Variants in MAST2 observed in about 807,000 individuals in gnomAD.
MAST2 encodes the protein microtubule-associated serine/threonine-protein kinase 2.
A neutral mutation model predicts 147.4 loss-of-function variants in MAST2; 70 were observed. The ratio of observed to expected loss-of-function variants is 0.47; its 90% confidence interval spans 0.39 to 0.58. The LOEUF is 0.58. Among genes scored for constraint, MAST2 ranks in the 20% least tolerant of loss-of-function variants. MAST2 has a pLI of 0.00. For synonymous variants in MAST2, 869 were observed against 896.8 expected (o/e 0.97, Z 0.55); for missense variants, 2,080 against 2,302.3 (o/e 0.90, Z 1.98).
intron 28 of MAST2, 68 bp downstream of exon 28, chr1:46,034,334 C>T (rs935214542): frequency 2.7e-6 from 4 of 1,495,188 alleles, no homozygotes; most frequent in African/African-American, 2.8e-5. Flanking sequence ...GCCCTGTGTG[C>T]TTCTGACAGA....
chr1:46,001,502 C>G (rs761969123), intron 6 of MAST2, among the ~76,000 whole-genome samples: 1 of 152,216 alleles, frequency 6.6e-6, no homozygotes, highest in African/African-American at 2.4e-5. Context: ...CTGGAACCGA[C>G]TTGTTTTATT....
intron 5 of MAST2, among the ~76,000 whole-genome samples, chr1:45,973,124 C>G (rs1327088064): frequency 6.6e-6 from 1 of 152,142 alleles, no homozygotes; most frequent in Admixed American, 6.5e-5. Context: ...TCCAATTACT[C>G]TCTTCAGTTC....
Position 46,035,229 on chromosome 1 carries a change from G to A in MAST2, c.4560G>A (p.Glu1520=). Residue 1520 remains glutamate, a synonymous_variant, in exon 29 of 29, where the codon GAG becomes GAA. Transcript: ENST00000361297. The surrounding 1 kb of genome is among the most constrained non-coding windows in gnomAD (Gnocchi z 5.5). ...CTGAGAACAGCCAGGGTGCACAGGA[G>A]CTGAGCTTGGCACCTCACCCAGAAG... ...EGPENSQGAQ[E]LSLAPHPEVS... 6.2e-7 allele frequency: 1 copy of A among 1,614,028 alleles called. No individual in the cohort carries two copies. Among genetic ancestry groups the A allele is most frequent in the Non-Finnish European group, 8.5e-7 (1 of 1,180,012 alleles).
At chr1:45,838,711 C>T (rs1199177535) in intron 3 of MAST2, among the ~76,000 whole-genome samples, 1 of 152,086 alleles carries the variant, frequency 6.6e-6, no homozygotes, top group Admixed American at 6.6e-5. Flanking sequence ...ATTTTCTTAT[C>T]AGTTTTACAC....
chr1:45,902,764 T>C (rs534617571), intron 4 of MAST2, among the ~76,000 whole-genome samples: 2 of 152,308 alleles, frequency 1.3e-5, no homozygotes, highest in Non-Finnish European at 2.9e-5. Context: ...CTCTGGTTTA[T>C]GCTCATAGAG....
intron 4 of MAST2, among the ~76,000 whole-genome samples, chr1:45,911,298 C>T (rs959103001): frequency 1.3e-5 from 2 of 151,062 alleles, no homozygotes; most frequent in Non-Finnish European, 3.0e-5. Context: ...AAAGTAATAT[C>T]TTCTTTGGTC....
intron 8 of MAST2, among the ~76,000 whole-genome samples, chr1:46,007,655 A>G (rs1645541685): frequency 6.6e-6 from 1 of 152,208 alleles, no homozygotes; most frequent in Admixed American, 6.5e-5. Context: ...TACCCATTCA[A>G]CTGTGTGGCT....
intron 10 of MAST2, among the ~76,000 whole-genome samples, chr1:46,011,496 C>G (rs1245390417): frequency 6.6e-6 from 1 of 152,210 alleles, no homozygotes; most frequent in Non-Finnish European, 1.5e-5. Flanking sequence ...TGGCCAAGAC[C>G]AAAGCACATG....
intron 4 of MAST2, among the ~76,000 whole-genome samples, chr1:45,914,435 A>G (rs1326429623): frequency 6.6e-6 from 1 of 152,202 alleles, no homozygotes; most frequent in East Asian, 1.9e-4. Context: ...CTTCCTCTTC[A>G]GGGTGACTTT....
chr1:46,033,661 T>A (rs1301994299), intron 26 of MAST2, 141 bp from the exon 27 acceptor site: 2 of 1,087,910 alleles, frequency 1.8e-6, no homozygotes, highest in Non-Finnish European at 2.7e-6. Context: ...AACAATAATA[T>A]AGGCCTGTGG....
At chr1:45,879,764 A>G (rs1384601844) in intron 3 of MAST2, among the ~76,000 whole-genome samples, 1 of 152,158 alleles carries the variant, frequency 6.6e-6, no homozygotes, top group Non-Finnish European at 1.5e-5. Flanking sequence ...ACAAAGGAAT[A>G]TATATTGATG....
At chr1:45,906,168 T>C (rs897387848) in intron 4 of MAST2, among the ~76,000 whole-genome samples, 2 of 152,228 alleles carry the variant, frequency 1.3e-5, no homozygotes, top group African/African-American at 4.8e-5. Flanking sequence ...GTTATTTATA[T>C]ATTTCAGATG....
intron 1 of MAST2, among the ~76,000 whole-genome samples, chr1:45,814,655 C>T (rs1031162637): frequency 1.3e-5 from 2 of 152,138 alleles, no homozygotes; most frequent in African/African-American, 4.8e-5. Context: ...AGCGTGGTGG[C>T]GCACGCCTAT....
chr1:45,970,314 G>T (rs2148984045), intron 5 of MAST2, among the ~76,000 whole-genome samples: 1 of 152,168 alleles, frequency 6.6e-6, no homozygotes, highest in African/African-American at 2.4e-5. Flanking sequence ...CAATTCCTCA[G>T]TTACAGTTCA....
chr1:45,959,705 A>G (rs2148910154), intron 5 of MAST2, among the ~76,000 whole-genome samples: 1 of 152,160 alleles, frequency 6.6e-6, no homozygotes, highest in East Asian at 1.9e-4. Context: ...TTAGTCTTGT[A>G]CATATCTTGG....
intron 4 of MAST2, among the ~76,000 whole-genome samples, chr1:45,888,466 C>CAGTG (rs1305183990): frequency 6.7e-6 from 1 of 148,536 alleles, no homozygotes; most frequent in Non-Finnish European, 1.5e-5. Context: ...GGGTTCACAC[C>CAGTG]ATTCTCCCAC....
chr1:45,949,054 C>T (rs1158062162), intron 4 of MAST2, among the ~76,000 whole-genome samples: 1 of 151,854 alleles, frequency 6.6e-6, no homozygotes, highest in Non-Finnish European at 1.5e-5. Flanking sequence ...CTACATAGTA[C>T]CCCTCCTTTA....
At chr1:45,849,548 A>G (rs1365102372) in intron 3 of MAST2, among the ~76,000 whole-genome samples, 3 of 143,388 alleles carry the variant, frequency 2.1e-5, no homozygotes, top group Admixed American at 7.1e-5. Context: ...TTTTTTTGAG[A>G]TGGAGTCTCT....
At chr1:45,872,308 AC>A (rs780270680) in intron 3 of MAST2, among the ~76,000 whole-genome samples, 2 of 152,142 alleles carry the variant, frequency 1.3e-5, no homozygotes, top group Non-Finnish European at 1.5e-5. Context: ...AAGGACAAGG[AC>A]CAGCCTTGTG....
Sources: gnomAD v4.1 joint callset for allele counts (sites outside exome capture counted in the v4.1 genomes callset) on GRCh38, gnomAD v4.1.1 for gene constraint, Gnocchi (gnomAD v3.1) non-coding constraint, MANE v1.5 for transcripts, NCBI Gene and HGNC (gene_info 2026-07-23, HGNC 2026-07-21) for gene names.